Variants in PRKG1 observed in about 807,000 individuals in gnomAD.
PRKG1 encodes the protein protein kinase cGMP-dependent 1.
Under a neutral mutation model 88.1 loss-of-function variants are expected in PRKG1, and 35 were observed. That is an observed-to-expected ratio of 0.40 (90% CI 0.30 to 0.53). The LOEUF is 0.53. PRKG1 is among the 20% of genes least tolerant of loss of function. The pLI, the probability that PRKG1 is intolerant of heterozygous loss-of-function variation, is 0.59. For missense variants in PRKG1, 540 were observed against 839.8 expected, an observed-to-expected ratio of 0.64 and a Z score of 4.41; for synonymous variants, 303 against 292.5, an observed-to-expected ratio of 1.04 and a Z score of -0.37.
At chr10:51,672,157 C>T (rs1407858670) in intron 3 of PRKG1, among the ~76,000 whole-genome samples, 1 of 151,932 alleles carries the variant, frequency 6.6e-6, no homozygotes, top group Admixed American at 6.6e-5. Context: ...AATTTAGAAG[C>T]TCTTAGCCTT....
At chr10:51,287,935 C>A (rs1840483611) in intron 2 of PRKG1, among the ~76,000 whole-genome samples, 1 of 152,046 alleles carries the variant, frequency 6.6e-6, no homozygotes, top group Admixed American at 6.6e-5. Context: ...GTCTATAATA[C>A]CAGGCTTTTA....
At position 51,055,426 on chromosome 10, in the gene PRKG1, C is replaced by A. The variant is rs114041165; in HGVS notation, c.266+63782C>A. ...TTTAGATTATTTTATTCATTATAATCTTATAAAGCCAGAATCTATATGGTC... is the reference window on the plus strand; with the variant it reads ...TTTAGATTATTTTATTCATTATAATATTATAAAGCCAGAATCTATATGGTC... On this transcript the variant is annotated intron_variant, in intron 1 of 17. Transcript: ENST00000401604. Among the ~76,000 whole-genome samples the A allele has an allele frequency of 7.6e-3, 1,159 of 152,150 alleles. 12 individuals are homozygous for A. Among genetic ancestry groups the A allele is most frequent in the African/African-American group, 0.025 (1,051 of 41,486 alleles).
intron 2 of PRKG1, among the ~76,000 whole-genome samples, chr10:51,203,597 A>G (rs1027644392): frequency 6.6e-6 from 1 of 152,204 alleles, no homozygotes; most frequent in Non-Finnish European, 1.5e-5. Context: ...CTCAAACAGC[A>G]CTGTGGAAAG....
chr10:51,037,500 C>T (rs769232583), intron 1 of PRKG1, among the ~76,000 whole-genome samples: 21 of 151,474 alleles, frequency 1.4e-4, no homozygotes, highest in Admixed American at 2.6e-4. Flanking sequence ...AAACAAAAAA[C>T]TGGCCAGGTG....
intron 3 of PRKG1, among the ~76,000 whole-genome samples, chr10:51,586,704 T>C (rs574925751): frequency 1.9e-4 from 29 of 152,274 alleles, no homozygotes; most frequent in African/African-American, 7.0e-4. Flanking sequence ...TTTTTACTGA[T>C]GACAGAGAGT....
chr10:52,190,615 C>T (rs1839336651), intron 9 of PRKG1, among the ~76,000 whole-genome samples: 1 of 152,128 alleles, frequency 6.6e-6, no homozygotes, highest in Non-Finnish European at 1.5e-5. Context: ...GTCTATGTCA[C>T]ACAACTTGTA....
chr10:51,014,318 C>CT (rs71029340), intron 1 of PRKG1, among the ~76,000 whole-genome samples: 1,822 of 137,956 alleles, frequency 0.013, 13 homozygotes, highest in South Asian at 0.041. Context: ...CAGGCATTCT[C>CT]TTTTTTTTTT....
intron 1 of PRKG1, among the ~76,000 whole-genome samples, chr10:51,093,202 A>G (rs1241635176): frequency 6.6e-6 from 1 of 152,162 alleles, no homozygotes; most frequent in African/African-American, 2.4e-5. Flanking sequence ...AGATTCTGAG[A>G]TATCTCTCCA....
intron 2 of PRKG1, among the ~76,000 whole-genome samples, chr10:51,237,672 G>A (rs1002139612): frequency 9.9e-5 from 15 of 152,024 alleles, no homozygotes; most frequent in African/African-American, 3.6e-4. Context: ...CTAACTAAAG[G>A]AAAATGTTTT....
chr10:51,194,702 A>C (rs532760395), intron 2 of PRKG1, among the ~76,000 whole-genome samples: 15 of 152,242 alleles, frequency 9.9e-5, no homozygotes, highest in African/African-American at 3.4e-4. Flanking sequence ...AGAATACTAC[A>C]GACTTGGTAA....
chr10:51,801,970 C>T (rs1839185236), intron 3 of PRKG1, among the ~76,000 whole-genome samples: 1 of 152,082 alleles, frequency 6.6e-6, no homozygotes, highest in Non-Finnish European at 1.5e-5. Context: ...CTTAAATGTT[C>T]AACAGTAATC....
chr10:51,205,127 CTTT>C (rs58176913), intron 2 of PRKG1, among the ~76,000 whole-genome samples: 645 of 64,024 alleles, frequency 0.01, 109 homozygotes, highest in African/African-American at 0.034. Context: ...ATTTTCTTTT[CTTT>C]TTTTTTTTTT....
At chr10:51,243,863 A>G (rs1839218066) in intron 2 of PRKG1, among the ~76,000 whole-genome samples, 2 of 152,294 alleles carry the variant, frequency 1.3e-5, no homozygotes, top group Admixed American at 6.5e-5. Context: ...TTGACTTCTT[A>G]TATTGCCTTC....
intron 3 of PRKG1, among the ~76,000 whole-genome samples, chr10:51,518,400 TATC>T: frequency 6.6e-6 from 1 of 152,206 alleles, no homozygotes; most frequent in Non-Finnish European, 1.5e-5. Context: ...AATTTAGGAT[TATC>T]AAACCACACA....
intron 2 of PRKG1, among the ~76,000 whole-genome samples, chr10:51,439,636 A>G (rs1839038051): frequency 6.6e-6 from 1 of 151,906 alleles, no homozygotes; most frequent in Admixed American, 6.6e-5. Context: ...CGTTTTAAAG[A>G]TGTAAATTCC....
intron 2 of PRKG1, among the ~76,000 whole-genome samples, chr10:51,302,377 G>T (rs1000252587): frequency 2.0e-5 from 3 of 152,030 alleles, no homozygotes; most frequent in Admixed American, 6.6e-5. Flanking sequence ...AGAGTTATTT[G>T]CTCACTAGAT....
At chr10:51,104,382 T>C (rs1409625414) in intron 1 of PRKG1, among the ~76,000 whole-genome samples, 2 of 152,212 alleles carry the variant, frequency 1.3e-5, no homozygotes, top group South Asian at 4.1e-4. Context: ...AATTAAACTG[T>C]ATATTGTGAT....
chr10:51,759,600 A>AT (rs1837966347), intron 3 of PRKG1, among the ~76,000 whole-genome samples: 1 of 152,150 alleles, frequency 6.6e-6, no homozygotes, highest in Admixed American at 6.5e-5. Context: ...AATGAAACAA[A>AT]TGTTAAGTTA....
chr10:51,745,133 T>C (rs1402098335), intron 3 of PRKG1, among the ~76,000 whole-genome samples: 1 of 152,224 alleles, frequency 6.6e-6, no homozygotes, highest in Non-Finnish European at 1.5e-5. Flanking sequence ...AAAAGTTATA[T>C]ATTTTTTGTC....
Sources: allele counts gnomAD v4.1 joint callset (sites outside exome capture counted in the v4.1 genomes callset), GRCh38; gene constraint gnomAD v4.1.1; transcripts MANE v1.5; gene names NCBI Gene and HGNC (gene_info 2026-07-23, HGNC 2026-07-21).